Variants in DCUN1D1 observed in about 807,000 individuals in gnomAD.
DCUN1D1 encodes the protein defective in cullin neddylation 1 domain containing 1.
DCUN1D1 carries 3 observed loss-of-function variants against 39.0 expected under a neutral mutation model. The ratio of observed to expected loss-of-function variants is 0.08; its 90% CI spans 0.04 to 0.20. The LOEUF (loss-of-function observed/expected upper bound fraction) is 0.20. Ranked by LOEUF, DCUN1D1 falls within the 10% of genes least tolerant of loss-of-function variation. The pLI is 1.00. For synonymous variants in DCUN1D1, 82 were observed against 96.3 expected (o/e 0.85, Z 0.87); for missense variants, 158 against 302.4 (o/e 0.52, Z 3.54).
At chr3:182,978,673 C>T (rs953263943) in intron 1 of DCUN1D1, among the ~76,000 whole-genome samples, 1 of 152,188 alleles carries the variant, frequency 6.6e-6, no homozygotes, top group Non-Finnish European at 1.5e-5. Flanking sequence ...CCGTGCCCAG[C>T]CCCTACGGTG....
At chr3:182,951,439 ACTTGGTCT>A (rs1399678620) in intron 4 of DCUN1D1, among the ~76,000 whole-genome samples, 4 of 151,770 alleles carry the variant, frequency 2.6e-5, no homozygotes, top group Non-Finnish European at 5.9e-5. Flanking sequence ...ACATAGTGAG[ACTTGGTCT>A]CTACTAAAAA....
chr3:182,982,865 G>A (rs1222129524), upstream of DCUN1D1, among the ~76,000 whole-genome samples: 3 of 151,992 alleles, frequency 2.0e-5, no homozygotes, highest in African/African-American at 7.2e-5. Flanking sequence ...GGCTGGTCTC[G>A]AACTCCTGAC....
rs979450085 is a variant in DCUN1D1, at chr3:182,941,341, T to C, written c.*3753A>G. The stretch of plus-strand genomic sequence containing the variant: ...ACCCCTTTCCCTCAGAAATCAAAGA[T>C]AAAGGTGTCATGATAAATAACTTCA... On this transcript the variant is annotated 3_prime_UTR_variant, in exon 7 of 7. Coordinates refer to ENST00000292782, the MANE Select transcript of DCUN1D1 (RefSeq NM_020640.4). 2 of 152,030 alleles carry C rather than the reference T, an allele frequency of 1.3e-5. No individual in the cohort carries two copies. Among genetic ancestry groups the C allele is most frequent in the African/African-American group, 4.8e-5 (2 of 41,430 alleles). 9.4% of individuals were successfully genotyped at this position (152,030 alleles called of 1,614,324 possible). A position where few individuals can be genotyped will look rare whatever the true frequency, so the allele number is the denominator to read the frequency against.
chr3:182,980,440 C>A, intron 1 of DCUN1D1, 47 bp downstream of exon 1: 1 of 1,067,132 alleles, frequency 9.4e-7, no homozygotes, highest in Non-Finnish European at 1.1e-6. Context: ...TGCGCGGCAG[C>A]GCCGGCCCCC....
intron 4 of DCUN1D1, among the ~76,000 whole-genome samples, chr3:182,956,735 A>G (rs1727091156): frequency 6.6e-6 from 1 of 152,250 alleles, no homozygotes; most frequent in African/African-American, 2.4e-5. Context: ...CCTACAAGAA[A>G]GTGACTCATA....
At position 182,938,314 on chromosome 3, in the gene DCUN1D1, G is replaced by A. The variant is rs1725983385; in HGVS notation, c.*6780C>T. 6.7e-6 allele frequency: 1 copy of A among 149,760 alleles called. No homozygotes were observed. The highest frequency in any genetic ancestry group is 1.5e-5 in the Non-Finnish European group (1 of 67,742). The allele number at this position is 149,760 out of a possible 1,614,324, so 9.3% of individuals were successfully genotyped here. A position where few individuals can be genotyped will look rare whatever the true frequency, so the allele number is the denominator to read the frequency against. On this transcript the variant is annotated 3_prime_UTR_variant, in exon 7 of 7. Transcript: ENST00000292782. The stretch of plus-strand genomic sequence containing the variant: ...GGGATCCACTGGGTAGGACATTTGA[G>A]ATGTATGCAATGTAGGAATCTTATT...
At chr3:182,961,384 G>T (rs1427077675) in intron 3 of DCUN1D1, 28 bp from the exon 4 acceptor site, 3 of 1,550,958 alleles carry the variant, frequency 1.9e-6, no homozygotes, top group Non-Finnish European at 1.7e-6. Context: ...GTTTATAAAA[G>T]ATTAACTGTT....
upstream of DCUN1D1, among the ~76,000 whole-genome samples, chr3:182,982,022 A>G (rs941667798): frequency 1.3e-5 from 2 of 152,230 alleles, no homozygotes; most frequent in Non-Finnish European, 2.9e-5. Flanking sequence ...GACCTAAAGT[A>G]TTAACACCTA....
At chr3:182,969,279 C>T (rs988387347) in intron 1 of DCUN1D1, among the ~76,000 whole-genome samples, 8 of 152,212 alleles carry the variant, frequency 5.3e-5, no homozygotes, top group African/African-American at 1.9e-4. Flanking sequence ...ACACTCCCAT[C>T]CCCTTTTCCT....
chr3:182,945,669 G>T lies in DCUN1D1; in HGVS notation c.701-496C>A, dbSNP rs149657167. Reference sequence around the variant, plus strand: ...TATGAAATGATAGCATGCTGCCAGTGCTGAAGGCATAGGAGGAGAAACAAG... The same window carrying T: ...TATGAAATGATAGCATGCTGCCAGTTCTGAAGGCATAGGAGGAGAAACAAG... On this transcript the variant is annotated intron_variant, in intron 6 of 6. Transcript: ENST00000292782. Among the ~76,000 whole-genome samples, 3 of 152,328 alleles carry T rather than the reference G, an allele frequency of 2.0e-5. No homozygotes were observed. In the East Asian group the frequency reaches 5.8e-4, roughly 29 times the overall value.
chr3:182,958,468 A>G (rs1664806161), intron 4 of DCUN1D1, among the ~76,000 whole-genome samples: 1 of 152,150 alleles, frequency 6.6e-6, no homozygotes, highest in Non-Finnish European at 1.5e-5. Flanking sequence ...ATTAGAGTTC[A>G]TTCTTTGTAT....
intron 1 of DCUN1D1, among the ~76,000 whole-genome samples, chr3:182,973,691 C>T (rs1258124799): frequency 6.6e-6 from 1 of 151,664 alleles, no homozygotes; most frequent in Non-Finnish European, 1.5e-5. Context: ...CCTGTAACCC[C>T]AGCTACTCAG....
intron 4 of DCUN1D1, among the ~76,000 whole-genome samples, chr3:182,954,398 T>C (rs1726920958): frequency 1.3e-5 from 2 of 152,220 alleles, no homozygotes; most frequent in Non-Finnish European, 2.9e-5. Context: ...AACAGAAACA[T>C]GGGTAGTAAA....
At chr3:182,957,937 CAAAAAAAAAA>C (rs34998390) in intron 4 of DCUN1D1, among the ~76,000 whole-genome samples, 8 of 67,502 alleles carry the variant, frequency 1.2e-4, no homozygotes, top group Admixed American at 6.5e-4. Flanking sequence ...GACCCTGCAT[CAAAAAAAAAA>C]AAAAAAAAAA....
chr3:182,984,826 G>A (rs566083606), upstream of DCUN1D1, among the ~76,000 whole-genome samples: 1 of 152,298 alleles, frequency 6.6e-6, no homozygotes, highest in African/African-American at 2.4e-5. Flanking sequence ...AAGAGCAGAA[G>A]TAATCTGAAA....
chr3:182,952,548 T>C (rs569188700), intron 4 of DCUN1D1, among the ~76,000 whole-genome samples: 6 of 152,166 alleles, frequency 3.9e-5, no homozygotes, highest in Admixed American at 1.3e-4. Context: ...ATCTTACCTC[T>C]ATAGACCTGC....
chr3:182,956,274 TG>T, intron 4 of DCUN1D1: 1 of 285,172 alleles, frequency 3.5e-6, no homozygotes, highest in Non-Finnish European at 7.1e-6. Context: ...TTCTGAGGCC[TG>T]GAATGAGGCA....
In DCUN1D1 at chr3:182,955,462, A is replaced by AT. The variant is rs1348195868; in HGVS notation, c.520+5763dup. The AT allele has an allele frequency of 7.4e-6, 4 of 539,880 alleles. No individual in the cohort carries two copies. In the East Asian group the frequency reaches 2.0e-4, roughly 27 times the overall value. The allele number at this position is 539,880 out of a possible 1,614,324, so 33.4% of individuals were successfully genotyped here. ...AGGCACATGGTCTACACGTTATGAG[A>AT]TAAGAATCCTCCACTGTCTTTTGTA... On this transcript the variant is annotated intron_variant, in intron 4 of 6. Transcript: ENST00000292782.
At chr3:182,985,575 G>C (rs916177630) in exon 2 of DCUN1D1, 1 of 152,442 alleles carries the variant, frequency 6.6e-6, no homozygotes, top group Non-Finnish European at 1.5e-5. Context: ...GTTGCGGTGA[G>C]CCAAGATCAC....
Sources: allele counts gnomAD v4.1 joint callset (sites outside exome capture counted in the v4.1 genomes callset), GRCh38; gene constraint gnomAD v4.1.1; transcripts MANE v1.5; gene names NCBI Gene and HGNC (gene_info 2026-07-23, HGNC 2026-07-21).